Variants in SYNPR observed in about 807,000 individuals in gnomAD.
The protein encoded by SYNPR is synaptoporin.
Under a neutral mutation model 32.9 loss-of-function variants are expected in SYNPR, and 23 were observed. That is an observed-to-expected ratio of 0.70 (90% CI 0.50 to 0.99). The LOEUF (loss-of-function observed/expected upper bound fraction) is 0.99, where lower values mean the gene tolerates loss of function less well. SYNPR is among the 50% of genes least tolerant of loss of function. The probability of loss-of-function intolerance (pLI) is 0.00; values close to 1 mark genes in which losing one functional copy is unlikely to be tolerated. For synonymous variants in SYNPR, 146 were observed against 135.9 expected (o/e 1.07, Z -0.52); for missense variants, 318 against 349.3 (o/e 0.91, Z 0.71).
intron 2 of SYNPR, among the ~76,000 whole-genome samples, chr3:63,301,522 T>A (rs1038763789): frequency 6.6e-6 from 1 of 152,132 alleles, no homozygotes; most frequent in Non-Finnish European, 1.5e-5. Context: ...ATTGAGTTGA[T>A]GTCTACATCA....
At chr3:63,492,734 T>C (rs929811259) in intron 3 of SYNPR, among the ~76,000 whole-genome samples, 2 of 152,128 alleles carry the variant, frequency 1.3e-5, no homozygotes, top group Non-Finnish European at 2.9e-5. Context: ...AGAGCAGGCA[T>C]GGGGGAGTGT....
chr3:63,523,216 G>T (rs1701946464), intron 3 of SYNPR, among the ~76,000 whole-genome samples: 1 of 152,128 alleles, frequency 6.6e-6, no homozygotes, highest in Non-Finnish European at 1.5e-5. Context: ...AGAGTAACTG[G>T]AACAGAAAAG....
intron 2 of SYNPR, among the ~76,000 whole-genome samples, chr3:63,412,846 G>A (rs12107887): frequency 6.6e-6 from 1 of 152,056 alleles, no homozygotes; most frequent in African/African-American, 2.4e-5. Context: ...GAAGCATTTC[G>A]TGCAAGGGGA....
chr3:63,554,094 G>C (rs1702553822), intron 3 of SYNPR, among the ~76,000 whole-genome samples: 2 of 152,110 alleles, frequency 1.3e-5, no homozygotes, highest in Non-Finnish European at 2.9e-5. Flanking sequence ...CTTGCTTGTT[G>C]ATTTGTTTAA....
intron 2 of SYNPR, among the ~76,000 whole-genome samples, chr3:63,294,410 T>C (rs1460900420): frequency 6.6e-6 from 1 of 152,244 alleles, no homozygotes; most frequent in Non-Finnish European, 1.5e-5. Context: ...GCAATGAGAT[T>C]GTACATTTTT....
intron 2 of SYNPR, among the ~76,000 whole-genome samples, chr3:63,451,221 T>C (rs1201894179): frequency 1.3e-5 from 2 of 152,166 alleles, no homozygotes; most frequent in African/African-American, 4.8e-5. Context: ...GCATTGTTAT[T>C]TTCTTCCTCT....
At chr3:63,310,085 A>T (rs2367790) in intron 2 of SYNPR, among the ~76,000 whole-genome samples, 43,702 of 151,570 alleles carry the variant, frequency 0.29, 7,488 homozygotes, top group Non-Finnish European at 0.39. Flanking sequence ...CCCCCTACCA[A>T]GCCCTGCAAG....
upstream of SYNPR, among the ~76,000 whole-genome samples, chr3:63,273,970 A>G (rs1031854073): frequency 6.6e-6 from 1 of 152,204 alleles, no homozygotes; most frequent in Non-Finnish European, 1.5e-5. Flanking sequence ...CAGTGGCCCT[A>G]TGCAAGATCA....
chr3:63,405,392 G>A (rs1215180294), intron 2 of SYNPR, among the ~76,000 whole-genome samples: 1 of 152,124 alleles, frequency 6.6e-6, no homozygotes, highest in Non-Finnish European at 1.5e-5. Context: ...AAATGCTGAG[G>A]TAAGGCAAGA....
chr3:63,374,308 T>C (rs2087856315), intron 2 of SYNPR, among the ~76,000 whole-genome samples: 1 of 151,900 alleles, frequency 6.6e-6, no homozygotes, highest in Non-Finnish European at 1.5e-5. Flanking sequence ...TTATGTGGTT[T>C]TGTTTTTAGT....
intron 2 of SYNPR, among the ~76,000 whole-genome samples, chr3:63,287,343 T>C (rs1454009036): frequency 1.3e-5 from 2 of 152,160 alleles, no homozygotes; most frequent in Non-Finnish European, 2.9e-5. Flanking sequence ...TTTGCTCACC[T>C]TTTTTTAGTT....
chr3:63,582,069 G>A (rs1176326476), intron 4 of SYNPR, among the ~76,000 whole-genome samples: 1 of 151,932 alleles, frequency 6.6e-6, no homozygotes, highest in East Asian at 1.9e-4. Flanking sequence ...GTGAAATACG[G>A]AATCAAGATG....
chr3:63,234,299 C>T (rs2086185752), intron 1 of SYNPR, among the ~76,000 whole-genome samples: 3 of 152,232 alleles, frequency 2.0e-5, no homozygotes, highest in Non-Finnish European at 4.4e-5. Context: ...TCACATGATT[C>T]AATTACCTCC....
chr3:63,476,616 T>C (rs1700932254), intron 2 of SYNPR, among the ~76,000 whole-genome samples: 1 of 152,104 alleles, frequency 6.6e-6, no homozygotes, highest in East Asian at 1.9e-4. Context: ...AACATCATTC[T>C]TCCCCCAACC....
At chr3:63,597,046 T>G (rs1699972926) in intron 4 of SYNPR, among the ~76,000 whole-genome samples, 1 of 152,162 alleles carries the variant, frequency 6.6e-6, no homozygotes, top group South Asian at 2.1e-4. Flanking sequence ...TTTTGATGTA[T>G]TGGGGTTTGT....
At chr3:63,222,225 T>C in the SYNPR span, among the ~76,000 whole-genome samples, 1 of 151,724 alleles carries the variant, frequency 6.6e-6, no homozygotes, top group Non-Finnish European at 1.5e-5. Flanking sequence ...CTGCAAAGCA[T>C]CCAAATGATT....
At chr3:63,336,120 A>C (rs772546591) in intron 2 of SYNPR, among the ~76,000 whole-genome samples, 2 of 152,140 alleles carry the variant, frequency 1.3e-5, no homozygotes, top group Non-Finnish European at 1.5e-5. Context: ...AATGTGATTA[A>C]ATATATCATG....
chr3:63,261,080 G>A (rs557094765), intron 2 of SYNPR, among the ~76,000 whole-genome samples: 55 of 152,312 alleles, frequency 3.6e-4, no homozygotes, highest in Admixed American at 3.1e-3. Context: ...GTGCTGGAGA[G>A]GATGTGGAGA....
chr3:63,439,033 G>T (rs1018257773), intron 2 of SYNPR, among the ~76,000 whole-genome samples: 3 of 152,056 alleles, frequency 2.0e-5, no homozygotes, highest in Non-Finnish European at 2.9e-5. Flanking sequence ...GACCCCTTTT[G>T]AGAGGCCAGA....
Sources: gnomAD v4.1 joint callset for allele counts (sites outside exome capture counted in the v4.1 genomes callset) on GRCh38, gnomAD v4.1.1 for gene constraint, MANE v1.5 for transcripts, NCBI Gene and HGNC (gene_info 2026-07-23, HGNC 2026-07-21) for gene names.